Variants in TAS2R1 observed in about 807,000 individuals in gnomAD.
TAS2R1 encodes the protein taste 2 receptor member 1, also known as taste receptor type 2 member 1.
For synonymous variants in TAS2R1, 141 were observed against 134.2 expected (o/e 1.05, Z -0.35); for missense variants, 370 against 353.4 (o/e 1.05, Z -0.38).
chr5:9,680,205 C>G (rs912005175), intron 1 of TAS2R1, among the ~76,000 whole-genome samples: 1 of 152,054 alleles, frequency 6.6e-6, no homozygotes, highest in African/African-American at 2.4e-5. Flanking sequence ...GACTATAACC[C>G]AAAGCATATA....
At chr5:9,859,494 A>G in the TAS2R1 span, among the ~76,000 whole-genome samples, 1 of 152,222 alleles carries the variant, frequency 6.6e-6, no homozygotes, top group Non-Finnish European at 1.5e-5. Flanking sequence ...TCAAATTGAT[A>G]TAAGTGCCCC....
At chr5:9,756,805 G>T in the TAS2R1 span, among the ~76,000 whole-genome samples, 4 of 152,082 alleles carry the variant, frequency 2.6e-5, no homozygotes, top group Non-Finnish European at 5.9e-5. Context: ...ATTTTGATTA[G>T]ATCATAAGCA....
rs2126473088 is a variant in TAS2R1 at position 9,629,771 on chromosome 5, T to C, written c.262A>G (p.Ile88Val). The change falls in exon 1 of 1, where the codon ATA becomes GTA. Residue 88 changes from isoleucine (I) to valine (V), a missense_variant. By Grantham distance (29) the Ile-to-Val change is conservative (BLOSUM62 3). Transcript: ENST00000382492. ...CSANCAILLF[I>V]NELELWLATW... Reference sequence around the variant, plus strand: ...GCAAGCCAAAGTTCCAATTCATTTATAAATAAGAGAATTGCACAATTCGCA... The same window carrying C: ...GCAAGCCAAAGTTCCAATTCATTTACAAATAAGAGAATTGCACAATTCGCA... The C allele has an allele frequency of 6.2e-7, 1 of 1,613,786 alleles. No individual in the cohort carries two copies. The highest frequency in any genetic ancestry group is 1.3e-5 in the African/African-American group (1 of 75,014).
chr5:9,834,315 T>C, the TAS2R1 span, among the ~76,000 whole-genome samples: 1 of 152,224 alleles, frequency 6.6e-6, no homozygotes, highest in African/African-American at 2.4e-5. Context: ...AATCCCATCT[T>C]AGTGGGTCAA....
the TAS2R1 span, among the ~76,000 whole-genome samples, chr5:9,900,787 ATT>A: frequency 6.6e-6 from 1 of 151,074 alleles, no homozygotes; most frequent in Non-Finnish European, 1.5e-5. Flanking sequence ...TGCCCGGCTA[ATT>A]TTTTTTTGTA....
chr5:9,700,529 T>C (rs1051890825), intron 1 of TAS2R1, among the ~76,000 whole-genome samples: 16 of 152,120 alleles, frequency 1.1e-4, no homozygotes, highest in African/African-American at 3.4e-4. Flanking sequence ...AAAGAGAGAT[T>C]AGGAAGGCCT....
the TAS2R1 span, among the ~76,000 whole-genome samples, chr5:9,734,563 G>A: frequency 6.6e-6 from 1 of 152,064 alleles, no homozygotes; most frequent in Non-Finnish European, 1.5e-5. Context: ...CTTTACAAAA[G>A]ACAAAAAGCT....
At chr5:9,887,415 T>C in the TAS2R1 span, among the ~76,000 whole-genome samples, 3 of 152,186 alleles carry the variant, frequency 2.0e-5, no homozygotes, top group Non-Finnish European at 2.9e-5. Context: ...TCCTTCCCAG[T>C]TTCATCAGCA....
At chr5:9,697,443 G>A (rs929908162) in intron 1 of TAS2R1, among the ~76,000 whole-genome samples, 1 of 151,920 alleles carries the variant, frequency 6.6e-6, no homozygotes, top group Non-Finnish European at 1.5e-5. Flanking sequence ...TATCAAGCTA[G>A]TAAAGGCACA....
intron 1 of TAS2R1, among the ~76,000 whole-genome samples, chr5:9,709,230 C>T (rs1206235808): frequency 6.6e-6 from 1 of 151,470 alleles, no homozygotes; most frequent in Non-Finnish European, 1.5e-5. Flanking sequence ...TCCAGAAATA[C>T]CTTCCACAGA....
chr5:9,788,783 G>A, the TAS2R1 span, among the ~76,000 whole-genome samples: 1 of 152,180 alleles, frequency 6.6e-6, no homozygotes, highest in Non-Finnish European at 1.5e-5. Context: ...AGAATACAGA[G>A]TGGAGGTTGT....
the TAS2R1 span, among the ~76,000 whole-genome samples, chr5:9,822,261 A>G: frequency 2.0e-5 from 3 of 152,272 alleles, no homozygotes; most frequent in South Asian, 6.2e-4. Context: ...CACTTCCTCA[A>G]AAAGGACTTC....
At chr5:9,791,021 G>A in the TAS2R1 span, among the ~76,000 whole-genome samples, 1 of 152,116 alleles carries the variant, frequency 6.6e-6, no homozygotes, top group Non-Finnish European at 1.5e-5. Flanking sequence ...CAGCACTATG[G>A]ATGTCTTCCA....
the TAS2R1 span, among the ~76,000 whole-genome samples, chr5:9,773,210 C>CA: frequency 6.6e-6 from 1 of 151,888 alleles, no homozygotes; most frequent in Non-Finnish European, 1.5e-5. Flanking sequence ...TACCATGAGG[C>CA]TTGCAAATAC....
the TAS2R1 span, chr5:9,867,066 T>TTTATAATAATG: frequency 6.6e-6 from 1 of 152,224 alleles, no homozygotes; most frequent in African/African-American, 2.4e-5. Context: ...CATTCACCAT[T>TTTATAATAATG]ACAGGGAATT....
the TAS2R1 span, among the ~76,000 whole-genome samples, chr5:9,734,715 T>C: frequency 6.6e-6 from 1 of 152,128 alleles, no homozygotes; most frequent in Non-Finnish European, 1.5e-5. Flanking sequence ...CTCAGGTTTA[T>C]AGATGAGAAA....
the TAS2R1 span, among the ~76,000 whole-genome samples, chr5:9,846,223 T>C: frequency 4.6e-5 from 7 of 152,340 alleles, no homozygotes; most frequent in African/African-American, 1.4e-4. Flanking sequence ...ACAAGCAGTA[T>C]GCAAAAGTTT....
At chr5:9,726,830 G>A in the TAS2R1 span, among the ~76,000 whole-genome samples, 9 of 152,238 alleles carry the variant, frequency 5.9e-5, no homozygotes, top group South Asian at 8.3e-4. Flanking sequence ...AGCTGAACAC[G>A]AAAGCTTCAC....
chr5:9,762,187 C>T, the TAS2R1 span, among the ~76,000 whole-genome samples: 9 of 152,124 alleles, frequency 5.9e-5, no homozygotes, highest in Non-Finnish European at 1.3e-4. Context: ...AGATGGAAGC[C>T]GCTAAGGGTA....
Sources: allele counts gnomAD v4.1 joint callset (sites outside exome capture counted in the v4.1 genomes callset), GRCh38; gene constraint gnomAD v4.1.1; transcripts MANE v1.5; gene names NCBI Gene and HGNC (gene_info 2026-07-23, HGNC 2026-07-21).